ABCG1: variants seen among roughly 807,000 people sequenced by gnomAD.
ABCG1 encodes the protein ATP binding cassette subfamily G member 1, also known as ATP-binding cassette sub-family G member 1.
ABCG1 carries 29 observed loss-of-function variants against 69.2 expected under a neutral mutation model. The ratio of observed to expected loss-of-function variants is 0.42; its 90% CI spans 0.31 to 0.57. The LOEUF (loss-of-function observed/expected upper bound fraction) is 0.57, where lower values mean the gene tolerates loss of function less well. Among genes scored for constraint, ABCG1 ranks in the 20% least tolerant of loss-of-function variants. The pLI is 0.15. For missense variants in ABCG1, 718 were observed against 898.1 expected, an observed-to-expected ratio of 0.80 and a Z score of 2.56; for synonymous variants, 370 against 374.8, an observed-to-expected ratio of 0.99 and a Z score of 0.15.
chr21:42,224,936 A>G (rs368569346), intron 1 of ABCG1, among the ~76,000 whole-genome samples: 11 of 150,000 alleles, frequency 7.3e-5, no homozygotes, highest in African/African-American at 2.7e-4. Context: ...AGTGAAATGA[A>G]CACCTATCTT....
rs772323233 is a variant in ABCG1, at chr21:42,285,886, G to A, written c.865G>A (p.Val289Ile). The change falls in exon 8 of 15, where the codon GTC becomes ATC. Residue 289 changes from valine (V) to isoleucine (I), a missense_variant. Physicochemically the swap from Val to Ile is conservative, Grantham distance 29. Around this residue, in one of 2 missense-constraint regions of ABCG1, gnomAD observed 514 missense variants for 574.3 expected, o/e 0.90. Coordinates refer to ENST00000398449, the MANE Select transcript of ABCG1 (RefSeq NM_016818.3). ...TCTCCTTCCTTTTTTCCAGCTTTAC[G>A]TCCTGAGTCAAGGACAATGTGTGTA... is the stretch of plus-strand genomic sequence containing the variant. ...KLFELFDQLY[V>I]LSQGQCVYRG... 1.6e-5 allele frequency: 26 copies of A among 1,612,568 alleles called. No individual in the cohort carries two copies. The highest frequency in any genetic ancestry group is 6.7e-5 in the East Asian group (3 of 44,890).
Position 42,273,259 on chromosome 21 carries a change from A to G in ABCG1, c.405-44A>G. The G allele has an allele frequency of 1.9e-6, 3 of 1,582,518 alleles. No individual in the cohort carries two copies. The highest frequency in any genetic ancestry group is 2.6e-6 in the Non-Finnish European group (3 of 1,163,268). ...CTCCTGCCCCGGGAGGTGGAGGAGG[A>G]GCAGGAGCCCGGCTGACGGCTTCTC... On this transcript the variant is annotated intron_variant, in intron 3 of 14. Coordinates refer to ENST00000398449, the MANE Select transcript of ABCG1 (RefSeq NM_016818.3). This position sits in a 1 kb window ranked among gnomAD's most constrained non-coding sequence, Gnocchi z 5.3.
Position 42,219,834 on chromosome 21 carries a change from A to T in ABCG1, c.42+530A>T. 1 of 1,474,780 alleles carries T rather than the reference A, an allele frequency of 6.8e-7. No individual in the cohort carries two copies. Among genetic ancestry groups the T allele is most frequent in the South Asian group, 1.3e-5 (1 of 75,312 alleles). 91.4% of individuals were successfully genotyped at this position (1,474,780 alleles called of 1,614,324 possible). On this transcript the variant is annotated intron_variant, in intron 1 of 14. Coordinates refer to ENST00000398449, the MANE Select transcript of ABCG1 (RefSeq NM_016818.3). This position sits in a 1 kb window ranked among gnomAD's most constrained non-coding sequence, Gnocchi z 5.3. ...CCAGAGAGCCGGAGCCTGCGACTGC[A>T]CTCCCGGGGACACCCTCTCCCGGAC...
At chr21:42,217,310 T>A (rs1411912970), upstream of ABCG1, among the ~76,000 whole-genome samples, 2 of 152,052 alleles carry the variant, frequency 1.3e-5, no homozygotes, top group Non-Finnish European at 2.9e-5. Context: ...TGGACAGAAA[T>A]TATGTCATTG....
At chr21:42,284,230 C>G (rs1272185134) in intron 6 of ABCG1, among the ~76,000 whole-genome samples, 2 of 148,504 alleles carry the variant, frequency 1.3e-5, no homozygotes, top group Admixed American at 1.3e-4. Context: ...GGGACCCCCC[C>G]ACCTCTGTCC....
chr21:42,291,203 C>T lies in ABCG1; in HGVS notation c.1494+11C>T. Reference sequence around the variant, plus strand: ...GACGTGCCCTTTCAGGTGTGTTAGCCAGGGGCTGGAATTTGAAACGGGGGC... The same window carrying T: ...GACGTGCCCTTTCAGGTGTGTTAGCTAGGGGCTGGAATTTGAAACGGGGGC... On this transcript the variant is annotated intron_variant, in intron 12 of 14. Coordinates refer to ENST00000398449, the MANE Select transcript of ABCG1 (RefSeq NM_016818.3). This position sits in a 1 kb window ranked among gnomAD's most constrained non-coding sequence, Gnocchi z 6.4. 2 of 1,605,564 alleles carry T rather than the reference C, an allele frequency of 1.2e-6. No homozygotes were observed. The highest frequency in any genetic ancestry group is 1.7e-6 in the Non-Finnish European group (2 of 1,173,056).
At chr21:42,201,306 G>A (rs115137309) in intron 1 of ABCG1, among the ~76,000 whole-genome samples, 3,996 of 152,144 alleles carry the variant, frequency 0.026, 178 homozygotes, top group African/African-American at 0.09. Flanking sequence ...CATTAGAAGC[G>A]TGCAACCTAG....
chr21:42,201,063 T>C (rs1486088297), intron 1 of ABCG1, among the ~76,000 whole-genome samples: 1 of 152,108 alleles, frequency 6.6e-6, no homozygotes, highest in Non-Finnish European at 1.5e-5. Context: ...ATTGTGCTTT[T>C]TTTTTTCACC....
At position 42,201,697 on chromosome 21, in the gene ABCG1, A is replaced by G. The variant is rs544992785; in HGVS notation, c.22A>G (p.Thr8Ala). The G allele has an allele frequency of 5.0e-6, 8 of 1,613,940 alleles. No homozygotes were observed. The African/African-American group carries it at 1.1e-4, about 22-fold the overall frequency. The change falls in exon 2 of 16, where the codon ACA becomes GCA. Residue 8 changes from threonine (T) to alanine (A), a missense_variant. By Grantham distance (58) the Thr-to-Ala change is moderately conservative. Coordinates refer to the ABCG1 transcript ENST00000398457. ...CTTGATGCTGGGAACGCAGGGGTGG[A>G]CAAAACAGAGAAAGCCCTGCCCTCA...
At chr21:42,272,704 G>T (rs76132752) in intron 3 of ABCG1, among the ~76,000 whole-genome samples, 1 of 152,230 alleles carries the variant, frequency 6.6e-6, no homozygotes, top group East Asian at 1.9e-4. Flanking sequence ...CAGTGAATGA[G>T]TGTGCCTGGT....
At chr21:42,295,257 G>A (rs1014672747) in intron 14 of ABCG1, 1 of 144,488 alleles carries the variant, frequency 6.9e-6, no homozygotes, top group African/African-American at 2.5e-5. Flanking sequence ...CTTGAACCTG[G>A]GAGGCAGAGG....
chr21:42,248,367 A>G (rs1215228034), intron 2 of ABCG1, among the ~76,000 whole-genome samples: 2 of 152,166 alleles, frequency 1.3e-5, no homozygotes, highest in Non-Finnish European at 2.9e-5. Context: ...AGTGAAGTGC[A>G]GTTCTGTCTA....
chr21:42,293,877 A>G (rs547475512), intron 13 of ABCG1, among the ~76,000 whole-genome samples: 74 of 146,370 alleles, frequency 5.1e-4, no homozygotes, highest in African/African-American at 1.8e-3. Context: ...ACACCACACC[A>G]CACACCACAC....
In ABCG1 at chr21:42,291,201, G is replaced by A; in HGVS notation, c.1494+9G>A. 8 of 1,607,390 alleles carry A rather than the reference G, an allele frequency of 5.0e-6. No homozygotes were observed. The highest frequency in any genetic ancestry group is 6.8e-6 in the Non-Finnish European group (8 of 1,174,616). ...CAGACGTGCCCTTTCAGGTGTGTTA[G>A]CCAGGGGCTGGAATTTGAAACGGGG... On this transcript the variant is annotated intron_variant, in intron 12 of 14. Coordinates refer to ENST00000398449, the MANE Select transcript of ABCG1 (RefSeq NM_016818.3). The surrounding 1 kb of genome is among the most constrained non-coding windows in gnomAD (Gnocchi z 6.4).
intron 2 of ABCG1, among the ~76,000 whole-genome samples, chr21:42,205,903 T>C (rs1251586281): frequency 6.6e-6 from 1 of 152,252 alleles, no homozygotes; most frequent in Non-Finnish European, 1.5e-5. Context: ...CATGTATTTT[T>C]ATTTTCATTT....
intron 2 of ABCG1, among the ~76,000 whole-genome samples, chr21:42,248,484 G>C (rs757743675): frequency 4.6e-5 from 7 of 152,168 alleles, no homozygotes; most frequent in Non-Finnish European, 7.4e-5. Flanking sequence ...TTGAAGATAC[G>C]CACCCTCTGT....
chr21:42,212,608 G>T (rs1381283019), upstream of ABCG1, among the ~76,000 whole-genome samples: 8 of 152,094 alleles, frequency 5.3e-5, no homozygotes, highest in African/African-American at 1.9e-4. Flanking sequence ...AATATTTGGT[G>T]GAAGAAACAC....
intron 5 of ABCG1, among the ~76,000 whole-genome samples, chr21:42,277,747 G>T (rs1038660662): frequency 6.6e-6 from 1 of 152,218 alleles, no homozygotes; most frequent in African/African-American, 2.4e-5. Context: ...GGGGTTTGCC[G>T]GGTTAGTGCC....
Position 42,288,372 on chromosome 21 carries a change from C to G in ABCG1, c.1224+60C>G. On this transcript the variant is annotated intron_variant, in intron 10 of 14. Coordinates refer to ENST00000398449, the MANE Select transcript of ABCG1 (RefSeq NM_016818.3). This position sits in a 1 kb window ranked among gnomAD's most constrained non-coding sequence, Gnocchi z 4.8. Reference sequence around the variant, plus strand: ...AACCCGTGGGTCATTTTCTCAGACTCGTCCTGACGGAATGTGTTCGTTCAT... The same window carrying G: ...AACCCGTGGGTCATTTTCTCAGACTGGTCCTGACGGAATGTGTTCGTTCAT... The G allele has an allele frequency of 7.9e-7, 1 of 1,258,232 alleles. No individual in the cohort carries two copies. Among genetic ancestry groups the G allele is most frequent in the Non-Finnish European group, 1.2e-6 (1 of 866,340 alleles). 77.9% of individuals were successfully genotyped at this position (1,258,232 alleles called of 1,614,324 possible). A position where few individuals can be genotyped will look rare whatever the true frequency, so the allele number is the denominator to read the frequency against.
Sources: gnomAD v4.1 joint callset for allele counts (sites outside exome capture counted in the v4.1 genomes callset) on GRCh38, gnomAD v4.1.1 for gene constraint, gnomAD v4.1.1 regional missense constraint, Gnocchi (gnomAD v3.1) non-coding constraint, MANE v1.5 for transcripts, NCBI Gene and HGNC (gene_info 2026-07-23, HGNC 2026-07-21) for gene names.